The following KHDRBS3 variants were observed in gnomAD, a reference collection of about 807,000 sequenced individuals.
KHDRBS3 encodes the protein KH domain-containing, RNA-binding, signal transduction-associated protein 3.
KHDRBS3 carries 23 observed loss-of-function variants against 45.6 expected under a neutral mutation model. That is an observed-to-expected ratio of 0.50 (90% CI 0.36 to 0.72). The LOEUF (loss-of-function observed/expected upper bound fraction) is 0.72. Among genes scored for constraint, KHDRBS3 ranks in the 30% least tolerant of loss-of-function variants. The pLI, the probability that KHDRBS3 is intolerant of heterozygous loss-of-function variation, is 0.00. For synonymous variants in KHDRBS3, 162 were observed against 156.5 expected (o/e 1.04, Z -0.26); for missense variants, 352 against 424.8 (o/e 0.83, Z 1.51).
At chr8:135,486,763 G>A (rs1050590477) in intron 1 of KHDRBS3, among the ~76,000 whole-genome samples, 1 of 152,182 alleles carries the variant, frequency 6.6e-6, no homozygotes, top group African/African-American at 2.4e-5. Flanking sequence ...TTGGTGTTGT[G>A]TACATTCATT....
At chr8:135,526,248 G>A (rs966755656) in intron 2 of KHDRBS3, among the ~76,000 whole-genome samples, 5 of 151,992 alleles carry the variant, frequency 3.3e-5, no homozygotes, top group East Asian at 1.9e-4. Flanking sequence ...TAAAGTGTAC[G>A]AAATAAAATC....
chr8:135,623,572 T>C (rs1335318900), intron 7 of KHDRBS3, among the ~76,000 whole-genome samples: 1 of 152,112 alleles, frequency 6.6e-6, no homozygotes, highest in African/African-American at 2.4e-5. Flanking sequence ...TCCTTACTTT[T>C]TTTTTTTTTC....
chr8:135,568,384 T>G (rs1025479118), intron 5 of KHDRBS3, among the ~76,000 whole-genome samples: 1 of 152,162 alleles, frequency 6.6e-6, no homozygotes, highest in Non-Finnish European at 1.5e-5. Flanking sequence ...CTTATTCATG[T>G]ACCCTCCTTT....
At chr8:135,594,149 A>G (rs1196281244) in intron 6 of KHDRBS3, among the ~76,000 whole-genome samples, 1 of 152,250 alleles carries the variant, frequency 6.6e-6, no homozygotes, top group Non-Finnish European at 1.5e-5. Flanking sequence ...CATGAGGTAC[A>G]TAACAGGATG....
intron 1 of KHDRBS3, 128 bp downstream of exon 1, chr8:135,458,082 CCCGG>C: frequency 7.2e-7 from 1 of 1,394,904 alleles, no homozygotes; most frequent in Non-Finnish European, 9.3e-7. Flanking sequence ...CCGGGTGGCC[CCCGG>C]GGTCGTTTGC....
At chr8:135,608,618 G>A (rs1432559330) in intron 7 of KHDRBS3, among the ~76,000 whole-genome samples, 2 of 152,220 alleles carry the variant, frequency 1.3e-5, no homozygotes, top group Non-Finnish European at 2.9e-5. Flanking sequence ...ACATTTGTGT[G>A]AGAGGCTCAC....
intron 5 of KHDRBS3, among the ~76,000 whole-genome samples, chr8:135,561,807 C>G (rs923226936): frequency 6.6e-6 from 1 of 151,982 alleles, no homozygotes; most frequent in Admixed American, 6.6e-5. Context: ...TAGTCCTAGG[C>G]TATAGGCTAA....
chr8:135,501,087 C>A (rs954843234), intron 1 of KHDRBS3, among the ~76,000 whole-genome samples: 6 of 152,136 alleles, frequency 3.9e-5, no homozygotes, highest in African/African-American at 1.4e-4. Flanking sequence ...TTGAAAAGTG[C>A]CTCAACTGTG....
chr8:135,539,820 T>A (rs1188139445), intron 2 of KHDRBS3: 10 of 152,180 alleles, frequency 6.6e-5, no homozygotes, highest in Admixed American at 6.5e-4. Flanking sequence ...CAGTATTCAT[T>A]TATGTACTTT....
chr8:135,633,793 C>T (rs1421407664), intron 7 of KHDRBS3, among the ~76,000 whole-genome samples: 2 of 152,214 alleles, frequency 1.3e-5, no homozygotes, highest in Non-Finnish European at 2.9e-5. Context: ...CACCCTGCCT[C>T]TACACGTGCA....
At chr8:135,533,132 C>T (rs767849664) in intron 2 of KHDRBS3, among the ~76,000 whole-genome samples, 3 of 152,076 alleles carry the variant, frequency 2.0e-5, no homozygotes, top group Non-Finnish European at 4.4e-5. Context: ...GGGCATACAG[C>T]TATTTATATG....
rs761995222 is a variant in KHDRBS3, at chr8:135,542,636, GTTGT to G, written c.208-15_208-12del. On this transcript the variant is annotated splice_polypyrimidine_tract_variant and intron_variant, in intron 2 of 8. Transcript: ENST00000355849. ...TTCACATATAAATGCTACAAATTTGGTTGTTTATTTTTCCTAGTTCAACTTTGTG... is the reference window on the plus strand; with the variant it reads ...TTCACATATAAATGCTACAAATTTGGTTATTTTTCCTAGTTCAACTTTGTG... 30 of 1,516,832 alleles carry G rather than the reference GTTGT, an allele frequency of 2.0e-5. No homozygotes were observed. Among genetic ancestry groups the G allele is most frequent in the African/African-American group, 2.7e-5 (2 of 72,756 alleles). 94.0% of individuals were successfully genotyped at this position (1,516,832 alleles called of 1,614,324 possible).
chr8:135,565,018 G>T (rs531137997), intron 5 of KHDRBS3, among the ~76,000 whole-genome samples: 1 of 152,258 alleles, frequency 6.6e-6, no homozygotes, highest in South Asian at 2.1e-4. Flanking sequence ...TGGGAGACAC[G>T]TGGGAGTGCT....
intron 1 of KHDRBS3, among the ~76,000 whole-genome samples, chr8:135,494,082 G>T (rs1373446285): frequency 2.0e-5 from 3 of 151,950 alleles, no homozygotes; most frequent in Admixed American, 2.0e-4. Flanking sequence ...AGGATCTGTG[G>T]TGGTGTCAGT....
intron 1 of KHDRBS3, among the ~76,000 whole-genome samples, chr8:135,479,124 T>A (rs1289380121): frequency 6.6e-6 from 1 of 152,142 alleles, no homozygotes; most frequent in East Asian, 1.9e-4. Flanking sequence ...AAATTAGGAA[T>A]GAAAACAGAG....
chr8:135,544,044 G>A (rs1826170822), intron 3 of KHDRBS3, among the ~76,000 whole-genome samples: 1 of 152,050 alleles, frequency 6.6e-6, no homozygotes, highest in Non-Finnish European at 1.5e-5. Context: ...CTGGCAGTAG[G>A]AGAAAATGAA....
intron 1 of KHDRBS3, chr8:135,458,410 G>C: frequency 1.9e-5 from 4 of 214,976 alleles, no homozygotes; most frequent in Non-Finnish European, 3.8e-5. Flanking sequence ...AAGAGGTGAA[G>C]GGAACAGGTG....
chr8:135,459,032 C>A, intron 1 of KHDRBS3: 2 of 447,596 alleles, frequency 4.5e-6, no homozygotes, highest in East Asian at 1.4e-4. Flanking sequence ...GCAACATGAT[C>A]TGGTCAGATC....
intron 7 of KHDRBS3, among the ~76,000 whole-genome samples, chr8:135,624,831 A>G (rs1787783959): frequency 6.6e-6 from 1 of 152,210 alleles, no homozygotes; most frequent in Non-Finnish European, 1.5e-5. Flanking sequence ...TTAGCTTAAA[A>G]TTCAATTCAG....
Sources: allele counts gnomAD v4.1 joint callset (sites outside exome capture counted in the v4.1 genomes callset), GRCh38; gene constraint gnomAD v4.1.1; transcripts MANE v1.5; gene names NCBI Gene and HGNC (gene_info 2026-07-23, HGNC 2026-07-21).